The following MAST4 variants were observed in gnomAD, a reference collection of about 807,000 sequenced individuals.
MAST4 encodes the protein microtubule associated serine/threonine kinase family member 4.
In MAST4, 89 loss-of-function variants were observed where a neutral mutation model predicts 162.7. The ratio of observed to expected loss-of-function variants is 0.55; its 90% CI spans 0.46 to 0.65. The LOEUF is 0.65. Ranked by LOEUF, MAST4 falls within the 30% of genes least tolerant of loss-of-function variation. The pLI is 0.00. For missense variants in MAST4, 3,153 were observed against 3,374.0 expected (o/e 0.93, Z 1.62); for synonymous variants, 1,479 against 1,361.1 (o/e 1.09, Z -1.91).
intron 5 of MAST4, among the ~76,000 whole-genome samples, chr5:67,076,846 A>G (rs557878409): frequency 1.3e-5 from 2 of 152,338 alleles, no homozygotes; most frequent in East Asian, 3.9e-4. Context: ...GAGCAGCAGC[A>G]TCCATCGCCA....
intron 1 of MAST4, among the ~76,000 whole-genome samples, chr5:66,758,177 C>T (rs369465097): frequency 6.6e-5 from 10 of 151,658 alleles, no homozygotes; most frequent in South Asian, 4.2e-4. Flanking sequence ...AAATACTGAC[C>T]GGCAATGAGT....
Position 67,079,041 on chromosome 5 carries a change from A to G in MAST4, c.764-11121A>G, listed in dbSNP as rs778198708. On this transcript the variant is annotated intron_variant, in intron 5 of 28. Coordinates refer to ENST00000403625, the MANE Select transcript of MAST4 (RefSeq NM_001164664.2). ...GGTAGACAGCATCCTATATGTCACT[A>G]GTGAAAATATCAGTGCAGTGTCTTT... is the stretch of plus-strand genomic sequence containing the variant. 7.3e-4 allele frequency among the ~76,000 whole-genome samples: 107 copies of G among 146,772 alleles called. 1 individual carries two copies. Among genetic ancestry groups the G allele is most frequent in the Admixed American group, 2.9e-3 (42 of 14,260 alleles).
chr5:67,120,705 T>C (rs938049419), intron 13 of MAST4, among the ~76,000 whole-genome samples: 1 of 152,274 alleles, frequency 6.6e-6, no homozygotes, highest in African/African-American at 2.4e-5. Flanking sequence ...CTTGGCATTT[T>C]GGAGTTAAAT....
At chr5:66,920,650 C>G (rs1580880430) in intron 4 of MAST4, among the ~76,000 whole-genome samples, 1 of 152,098 alleles carries the variant, frequency 6.6e-6, no homozygotes, top group East Asian at 1.9e-4. Context: ...GCCACCATGC[C>G]TGACTAAGTT....
intron 4 of MAST4, chr5:67,002,046 A>G (rs778260721): frequency 2.6e-5 from 4 of 152,008 alleles, no homozygotes; most frequent in Admixed American, 1.3e-4. Flanking sequence ...TTGATCTTGG[A>G]TACCTACAAG....
At chr5:66,614,289 T>C (rs1400725430) in intron 1 of MAST4, among the ~76,000 whole-genome samples, 8 of 152,228 alleles carry the variant, frequency 5.3e-5, no homozygotes, top group Non-Finnish European at 1.0e-4. Flanking sequence ...GTCTCAGTTA[T>C]TTTTATTATA....
At chr5:66,614,674 A>G (rs1433630114) in intron 1 of MAST4, among the ~76,000 whole-genome samples, 2 of 152,266 alleles carry the variant, frequency 1.3e-5, no homozygotes, top group Middle Eastern at 3.4e-3. Flanking sequence ...CCCTCTTGTC[A>G]TTTGAACTGG....
intron 4 of MAST4, among the ~76,000 whole-genome samples, chr5:66,990,586 C>G (rs947705690): frequency 2.2e-4 from 34 of 152,188 alleles, no homozygotes; most frequent in African/African-American, 8.0e-4. Flanking sequence ...CTGTAGTGAG[C>G]TACGATCATG....
intron 1 of MAST4, among the ~76,000 whole-genome samples, chr5:66,612,516 G>A (rs1743357613): frequency 6.6e-6 from 1 of 152,194 alleles, no homozygotes; most frequent in South Asian, 2.1e-4. Flanking sequence ...AAAGGGCGTA[G>A]GAGTTGGTGG....
intron 4 of MAST4, among the ~76,000 whole-genome samples, chr5:66,920,392 G>A (rs1235949493): frequency 6.6e-6 from 1 of 152,010 alleles, no homozygotes; most frequent in Non-Finnish European, 1.5e-5. Flanking sequence ...TAATTTTAAG[G>A]TAAAATTGTT....
chr5:66,609,535 G>A (rs1025320491), intron 1 of MAST4, among the ~76,000 whole-genome samples: 3 of 150,826 alleles, frequency 2.0e-5, no homozygotes, highest in African/African-American at 4.9e-5. Flanking sequence ...GGCTACAGGC[G>A]CATACTACCA....
chr5:66,764,113 A>G (rs1753975646), intron 2 of MAST4, among the ~76,000 whole-genome samples: 1 of 152,228 alleles, frequency 6.6e-6, no homozygotes, highest in Non-Finnish European at 1.5e-5. Context: ...TCTCAATGGT[A>G]GACAACAAGA....
intron 2 of MAST4, among the ~76,000 whole-genome samples, chr5:66,785,960 C>G (rs1327742172): frequency 1.3e-5 from 2 of 152,110 alleles, no homozygotes; most frequent in Non-Finnish European, 2.9e-5. Context: ...CCTCCACCTC[C>G]TAGGCTCACG....
chr5:66,998,141 G>C (rs1459906887), intron 4 of MAST4, among the ~76,000 whole-genome samples: 3 of 152,216 alleles, frequency 2.0e-5, no homozygotes, highest in Non-Finnish European at 4.4e-5. Flanking sequence ...AAAGGTCTTA[G>C]TGTCAGCTAC....
At chr5:66,877,512 C>T (rs1372007253) in intron 3 of MAST4, among the ~76,000 whole-genome samples, 1 of 152,132 alleles carries the variant, frequency 6.6e-6, no homozygotes. Context: ...GGCTTTAAGC[C>T]CCTGTTCTTA....
At position 67,162,613 on chromosome 5, in the gene MAST4, A is replaced by G. The variant is rs1464022101; in HGVS notation, c.3792A>G (p.Arg1264=). Residue 1264 remains arginine (R), a synonymous_variant, in exon 28 of 29, where the codon AGA becomes AGG. Coordinates refer to ENST00000403625, the MANE Select transcript of MAST4 (RefSeq NM_001164664.2). Reference sequence around the variant, plus strand: ...TTTTCCTGTTTTTCTGTAGGAGGAGATCTCTTTTCAAAAAGCTAGCCAAGC... The same window carrying G: ...TTTTCCTGTTTTTCTGTAGGAGGAGGTCTCTTTTCAAAAAGCTAGCCAAGC... ...SKKKESLERR[R]SLFKKLAKQP... is the part of the protein sequence containing the mutation. The G allele has an allele frequency of 1.2e-6, 2 of 1,613,408 alleles. No homozygotes were observed. Among genetic ancestry groups the G allele is most frequent in the South Asian group, 2.2e-5 (2 of 90,984 alleles).
rs1202247141 is a variant in MAST4 at position 66,760,334 on chromosome 5, G to A, written c.517+472G>A. On this transcript the variant is annotated intron_variant, in intron 2 of 28. Transcript: ENST00000403625. ...TTTCACCGTGTTGGCCAAGATGGTC[G>A]TGATCTCTTGACCTCGTGATCTGCC... 5.3e-5 allele frequency among the ~76,000 whole-genome samples: 8 copies of A among 151,856 alleles called. No individual in the cohort carries two copies. In the East Asian group the frequency reaches 5.8e-4, roughly 11 times the overall value.
At chr5:67,070,044 A>G (rs1340792031) in intron 5 of MAST4, among the ~76,000 whole-genome samples, 2 of 152,060 alleles carry the variant, frequency 1.3e-5, no homozygotes, top group Non-Finnish European at 2.9e-5. Flanking sequence ...TGGGATCAGT[A>G]ATTTGGCTTG....
chr5:66,959,428 A>C (rs2280175), intron 4 of MAST4: 9,050 of 695,976 alleles, frequency 0.013, 255 homozygotes, highest in East Asian at 0.092. Flanking sequence ...AACATGTCTT[A>C]AATGCATGGC....
Sources: allele counts gnomAD v4.1 joint callset (sites outside exome capture counted in the v4.1 genomes callset), GRCh38; gene constraint gnomAD v4.1.1; transcripts MANE v1.5; gene names NCBI Gene and HGNC (gene_info 2026-07-23, HGNC 2026-07-21).